Variants in RNF150 observed in about 807,000 individuals in gnomAD.
The protein encoded by RNF150 is ring finger protein 150.
RNF150 carries 24 observed loss-of-function variants against 39.3 expected under a neutral mutation model. That is an observed-to-expected ratio of 0.61 (90% confidence interval 0.44 to 0.86). The LOEUF (loss-of-function observed/expected upper bound fraction) is 0.86. RNF150 is among the 40% of genes least tolerant of loss of function. The probability of loss-of-function intolerance (pLI) is 0.00; values close to 1 mark genes in which losing one functional copy is unlikely to be tolerated. For missense variants in RNF150, 502 were observed against 587.8 expected (o/e 0.85, Z 1.51); for synonymous variants, 255 against 227.3 (o/e 1.12, Z -1.10).
intron 1 of RNF150, among the ~76,000 whole-genome samples, chr4:141,102,085 T>C (rs1432912521): frequency 6.6e-6 from 1 of 152,126 alleles, no homozygotes; most frequent in Non-Finnish European, 1.5e-5. Context: ...CCCAGCCAGC[T>C]CCGTTATAAT....
At chr4:140,894,034 T>G (rs531650562) in intron 6 of RNF150, among the ~76,000 whole-genome samples, 28 of 152,340 alleles carry the variant, frequency 1.8e-4, no homozygotes, top group African/African-American at 6.7e-4. Context: ...TGATGGTTCC[T>G]TTCTCTGTCT....
intron 6 of RNF150, among the ~76,000 whole-genome samples, chr4:140,870,811 T>C (rs1728904465): frequency 6.6e-6 from 1 of 152,012 alleles, no homozygotes; most frequent in Non-Finnish European, 1.5e-5. Flanking sequence ...TAAATTTTGT[T>C]ATTGTCTCTT....
intron 1 of RNF150, among the ~76,000 whole-genome samples, chr4:141,087,053 A>T (rs1032350635): frequency 6.6e-6 from 1 of 152,112 alleles, no homozygotes; most frequent in African/African-American, 2.4e-5. Flanking sequence ...AACATGTGTC[A>T]TGGGGGTTTG....
rs1728544187 is a variant in RNF150 at position 140,862,814 on chromosome 4, G to A, written c.*5447C>T. 1 of 152,170 alleles carries A rather than the reference G, an allele frequency of 6.6e-6. No individual in the cohort carries two copies. Among genetic ancestry groups the A allele is most frequent in the African/African-American group, 2.4e-5 (1 of 41,430 alleles). The allele number at this position is 152,170 out of a possible 1,614,324, so 9.4% of individuals were successfully genotyped here. ...CCAGGTCAGCTCTAAACCTAGGGAT[G>A]AGCATTTACTTGGGGACAGCACGCA... is the stretch of plus-strand genomic sequence containing the variant. On this transcript the variant is annotated 3_prime_UTR_variant, in exon 7 of 7. Transcript: ENST00000515673.
In RNF150 at chr4:140,863,098, C is replaced by G. The variant is rs1728556621; in HGVS notation, c.*5163G>C. The G allele has an allele frequency of 6.6e-6, 1 of 152,098 alleles. No individual in the cohort carries two copies. 9.4% of individuals were successfully genotyped at this position (152,098 alleles called of 1,614,324 possible). On this transcript the variant is annotated 3_prime_UTR_variant, in exon 7 of 7. Coordinates refer to ENST00000515673, the MANE Select transcript of RNF150 (RefSeq NM_020724.2). ...TGTCAGTCTTCAGGAATTAGTGGCC[C>G]TCAGATCACTTACGATGAGCAAGCA... is the stretch of plus-strand genomic sequence containing the variant.
chr4:140,910,993 GTTC>G (rs1350866338), intron 6 of RNF150, 148 bp downstream of exon 6: 6 of 670,374 alleles, frequency 9.0e-6, no homozygotes, highest in Admixed American at 5.7e-5. Context: ...AGGAAAGGCA[GTTC>G]TTCTAACAGC....
chr4:140,868,703 C>A (rs998246847), intron 6 of RNF150, among the ~76,000 whole-genome samples: 2 of 151,936 alleles, frequency 1.3e-5, no homozygotes, highest in African/African-American at 2.4e-5. Flanking sequence ...GTTACATATG[C>A]GTAACATTTA....
At chr4:140,933,360 C>T (rs1731724115) in intron 4 of RNF150, among the ~76,000 whole-genome samples, 1 of 152,018 alleles carries the variant, frequency 6.6e-6, no homozygotes, top group Admixed American at 6.6e-5. Flanking sequence ...GTTGAGTTTC[C>T]CTCATCTGAA....
At chr4:140,874,137 C>A (rs561679740) in intron 6 of RNF150, among the ~76,000 whole-genome samples, 6 of 152,204 alleles carry the variant, frequency 3.9e-5, no homozygotes, top group South Asian at 4.1e-4. Context: ...TTATTGATAT[C>A]TTTGGTTTAT....
intron 4 of RNF150, among the ~76,000 whole-genome samples, chr4:140,930,798 AC>A (rs1292260781): frequency 6.6e-6 from 1 of 151,942 alleles, no homozygotes; most frequent in Non-Finnish European, 1.5e-5. Context: ...TGGTTACGTC[AC>A]CCCCGTGTTC....
intron 1 of RNF150, among the ~76,000 whole-genome samples, chr4:141,076,143 G>A (rs1449037828): frequency 6.6e-6 from 1 of 152,004 alleles, no homozygotes; most frequent in Non-Finnish European, 1.5e-5. Context: ...TTCTAAAACT[G>A]CATAAAAATA....
chr4:141,041,356 C>A (rs894463290), intron 1 of RNF150, among the ~76,000 whole-genome samples: 1 of 152,010 alleles, frequency 6.6e-6, no homozygotes, highest in African/African-American at 2.4e-5. Context: ...GAATGACCAA[C>A]TGGGGGTCAG....
chr4:141,004,503 A>T (rs754596632), intron 1 of RNF150, among the ~76,000 whole-genome samples: 2 of 152,196 alleles, frequency 1.3e-5, no homozygotes, highest in Non-Finnish European at 2.9e-5. Context: ...AATTTTCCAC[A>T]TTATCTTATT....
chr4:141,135,856 C>T (rs1727019882), upstream of RNF150, among the ~76,000 whole-genome samples: 1 of 152,146 alleles, frequency 6.6e-6, no homozygotes, highest in Non-Finnish European at 1.5e-5. Context: ...AGCAGGTGAT[C>T]ATGGTGAACA....
chr4:140,917,932 T>G (rs540311058), intron 5 of RNF150, among the ~76,000 whole-genome samples: 1 of 152,126 alleles, frequency 6.6e-6, no homozygotes, highest in East Asian at 1.9e-4. Flanking sequence ...AACCTGCTCC[T>G]GAATGACTAC....
rs1560679096 is a variant in RNF150, at chr4:141,000,029, G to GAAAAGAAGAA, written c.485-32157_485-32156insTTCTTCTTTT. 1.0e-3 allele frequency among the ~76,000 whole-genome samples: 37 copies of GAAAAGAAGAA among 36,466 alleles called. 3 individuals carry two copies. Among genetic ancestry groups the GAAAAGAAGAA allele is most frequent in the South Asian group, 3.7e-3 (3 of 808 alleles). The allele number at this position is 36,466 out of a possible 152,430, so 23.9% of individuals were successfully genotyped here. A position where few individuals can be genotyped will look rare whatever the true frequency, so the allele number is the denominator to read the frequency against. On this transcript the variant is annotated intron_variant, in intron 1 of 6. Coordinates refer to ENST00000515673, the MANE Select transcript of RNF150 (RefSeq NM_020724.2). ...AGAAGAAGAAGAAGAAGAAGAAGAA[G>GAAAAGAAGAA]AAGAAGAAGAAGAAGAAGAAGAAGA...
At chr4:141,194,388 C>T (rs180691182) in intron 1 of RNF150, among the ~76,000 whole-genome samples, 23 of 152,238 alleles carry the variant, frequency 1.5e-4, no homozygotes, top group East Asian at 5.8e-4. Flanking sequence ...AAGAACTATA[C>T]GGTATTTTCA....
At chr4:141,094,359 A>C (rs1245671564) in intron 1 of RNF150, among the ~76,000 whole-genome samples, 2 of 152,254 alleles carry the variant, frequency 1.3e-5, no homozygotes, top group Non-Finnish European at 2.9e-5. Context: ...CTGTATATTG[A>C]TTTCTCAACA....
At chr4:141,059,941 A>T (rs1412171024) in intron 1 of RNF150, among the ~76,000 whole-genome samples, 4 of 152,192 alleles carry the variant, frequency 2.6e-5, no homozygotes, top group African/African-American at 9.6e-5. Flanking sequence ...CTATGTGAAG[A>T]GGTAAATTCT....
Sources: gnomAD v4.1 joint callset for allele counts (sites outside exome capture counted in the v4.1 genomes callset) on GRCh38, gnomAD v4.1.1 for gene constraint, MANE v1.5 for transcripts, NCBI Gene and HGNC (gene_info 2026-07-23, HGNC 2026-07-21) for gene names.